Variants in UNC5C observed in about 807,000 individuals in gnomAD.
UNC5C encodes the protein netrin receptor UNC5C.
A neutral mutation model predicts 99.8 loss-of-function variants in UNC5C; 47 were observed. That is an observed-to-expected ratio of 0.47 (90% CI 0.37 to 0.60). UNC5C has a LOEUF of 0.60. UNC5C is among the 20% of genes least tolerant of loss of function. The pLI is 0.00. For missense variants in UNC5C, 1,062 were observed against 1,165.9 expected, an observed-to-expected ratio of 0.91 and a Z score of 1.30; for synonymous variants, 487 against 452.2, an observed-to-expected ratio of 1.08 and a Z score of -0.98.
At position 95,197,785 on chromosome 4, in the gene UNC5C, A is replaced by T. The variant is rs148307460; in HGVS notation, c.2136+4946T>A. Among the ~76,000 whole-genome samples the T allele has an allele frequency of 6.7e-3, 1,026 of 152,260 alleles. 9 individuals carry two copies. The highest frequency in any genetic ancestry group is 0.024 in the African/African-American group (978 of 41,550). ...CAATCAGAAATGTATGATTTTTCAT[A>T]GCAACTCATCAACCTGGAAGTAGAA... is the stretch of plus-strand genomic sequence containing the variant. On this transcript the variant is annotated intron_variant, in intron 12 of 15. Transcript: ENST00000453304.
chr4:95,476,198 C>T (rs1041134911), intron 1 of UNC5C, among the ~76,000 whole-genome samples: 11 of 152,190 alleles, frequency 7.2e-5, no homozygotes, highest in South Asian at 2.1e-4. Flanking sequence ...CCTCTGGGCT[C>T]ATTGCAGATT....
chr4:95,376,325 T>A (rs1355988569), intron 1 of UNC5C, among the ~76,000 whole-genome samples: 2 of 152,014 alleles, frequency 1.3e-5, no homozygotes, highest in Non-Finnish European at 2.9e-5. Context: ...TATACAGTAA[T>A]CCAGTTTCTA....
At chr4:95,294,922 G>C (rs1337274084) in intron 3 of UNC5C, among the ~76,000 whole-genome samples, 1 of 152,046 alleles carries the variant, frequency 6.6e-6, no homozygotes, top group East Asian at 1.9e-4. Flanking sequence ...TGAAACTAAG[G>C]CTCCCAGAGG....
intron 14 of UNC5C, among the ~76,000 whole-genome samples, chr4:95,177,201 T>C (rs903243653): frequency 2.0e-5 from 3 of 152,216 alleles, no homozygotes; most frequent in African/African-American, 7.2e-5. Flanking sequence ...ATCACCCATC[T>C]TATGCGTCGC....
At position 95,176,387 on chromosome 4, in the gene UNC5C, G is replaced by T. The variant is rs1484689395; in HGVS notation, c.2452-6055C>A. ...ATCTTTGTGGTTTTATCTACTTTTGGTCTTTGATGATGGTGATGTACAGAT... is the reference window on the plus strand; with the variant it reads ...ATCTTTGTGGTTTTATCTACTTTTGTTCTTTGATGATGGTGATGTACAGAT... On this transcript the variant is annotated intron_variant, in intron 14 of 15. Transcript: ENST00000453304. Among the ~76,000 whole-genome samples the T allele has an allele frequency of 7.3e-5, 11 of 151,650 alleles. No individual in the cohort carries two copies. In the East Asian group the frequency reaches 7.7e-4, roughly 11 times the overall value.
At chr4:95,530,789 A>T (rs890932426) in intron 1 of UNC5C, among the ~76,000 whole-genome samples, 7 of 152,188 alleles carry the variant, frequency 4.6e-5, no homozygotes, top group African/African-American at 1.7e-4. Flanking sequence ...TCAGAAAAAA[A>T]AGTGAAAATT....
At chr4:95,330,791 C>T (rs1313728381) in intron 2 of UNC5C, among the ~76,000 whole-genome samples, 1 of 151,980 alleles carries the variant, frequency 6.6e-6, no homozygotes, top group Non-Finnish European at 1.5e-5. Context: ...TATCTGTGGG[C>T]ATCTTTGCCT....
At chr4:95,456,833 G>A (rs1373487547) in intron 1 of UNC5C, among the ~76,000 whole-genome samples, 1 of 152,112 alleles carries the variant, frequency 6.6e-6, no homozygotes, top group African/African-American at 2.4e-5. Flanking sequence ...ATGCAAATAT[G>A]AGGTTGAGAT....
At position 95,165,113 on chromosome 4, in the gene UNC5C, CAGG is replaced by C. The variant is rs1026512000; in HGVS notation, c.*4118_*4120del. The C allele has an allele frequency of 6.6e-6, 1 of 152,128 alleles. No individual in the cohort carries two copies. The highest frequency in any genetic ancestry group is 6.5e-5 in the Admixed American group (1 of 15,276). The allele number at this position is 152,128 out of a possible 1,614,324, so 9.4% of individuals were successfully genotyped here. On this transcript the variant is annotated 3_prime_UTR_variant, in exon 16 of 16. Coordinates refer to ENST00000453304, the MANE Select transcript of UNC5C (RefSeq NM_003728.4). ...AGACAAGAGCCTTGTTGCTCTTTGC[CAGG>C]AGAAGTGAAAAGTCTTGATTCCACC...
intron 4 of UNC5C, among the ~76,000 whole-genome samples, chr4:95,258,335 G>A (rs746731862): frequency 2.8e-4 from 43 of 152,116 alleles, no homozygotes; most frequent in Non-Finnish European, 3.5e-4. Flanking sequence ...ATTTCAACCT[G>A]AGGCTTCTCT....
intron 1 of UNC5C, among the ~76,000 whole-genome samples, chr4:95,369,498 G>A (rs747178345): frequency 7.9e-5 from 12 of 152,032 alleles, no homozygotes; most frequent in Non-Finnish European, 1.6e-4. Context: ...ATTGCAGTGA[G>A]CCGAGATTGC....
At chr4:95,520,424 T>C (rs1217934006) in intron 1 of UNC5C, among the ~76,000 whole-genome samples, 1 of 152,140 alleles carries the variant, frequency 6.6e-6, no homozygotes, top group African/African-American at 2.4e-5. Flanking sequence ...AAATGCATAA[T>C]GGTGAAAATA....
At chr4:95,364,923 G>T (rs1389485107) in intron 1 of UNC5C, among the ~76,000 whole-genome samples, 1 of 151,752 alleles carries the variant, frequency 6.6e-6, no homozygotes, top group Non-Finnish European at 1.5e-5. Context: ...ATCAAGAAAG[G>T]ACACCATAAG....
Position 95,245,036 on chromosome 4 carries a change from C to A in UNC5C, c.884G>T (p.Gly295Val). The A allele has an allele frequency of 6.2e-7, 1 of 1,614,018 alleles. No individual in the cohort carries two copies. The highest frequency in any genetic ancestry group is 8.5e-7 in the Non-Finnish European group (1 of 1,179,958). Residue 295 changes from glycine (G) to valine (V), a missense_variant, in exon 6 of 16, where the codon GGG becomes GTG. Physicochemically the swap from Gly to Val is moderately radical, Grantham distance 109. Coordinates refer to ENST00000453304, the MANE Select transcript of UNC5C (RefSeq NM_003728.4). ...RTCTNPAPLN[G>V]GAFCEGQSVQ... ...ACTCTGCCCTTCACAGAAGGCACCC[C>A]CATTGAGTGGTGCCGGGTTGGTACA...
intron 3 of UNC5C, among the ~76,000 whole-genome samples, chr4:95,298,013 C>T (rs190455670): frequency 1.3e-5 from 2 of 152,300 alleles, no homozygotes; most frequent in African/African-American, 4.8e-5. Context: ...AACTTATCCT[C>T]AAAACCAAAT....
chr4:95,360,519 T>C (rs1171035310), intron 1 of UNC5C, among the ~76,000 whole-genome samples: 1 of 152,168 alleles, frequency 6.6e-6, no homozygotes, highest in Non-Finnish European at 1.5e-5. Context: ...GGGAAAGGAT[T>C]CCAAGTTAAG....
chr4:95,367,620 A>G (rs1290404975), intron 1 of UNC5C, among the ~76,000 whole-genome samples: 1 of 151,972 alleles, frequency 6.6e-6, no homozygotes, highest in Non-Finnish European at 1.5e-5. Flanking sequence ...CTTATTGGTA[A>G]CTCCTAGACA....
At chr4:95,301,856 T>G (rs1209589185) in intron 2 of UNC5C, 107 bp from the exon 3 acceptor site, 75 of 1,363,840 alleles carry the variant, frequency 5.5e-5, no homozygotes, top group Non-Finnish European at 7.3e-5. Context: ...ATGCCATAGA[T>G]CAACAACCCA....
At chr4:95,534,416 C>T (rs976204829) in intron 1 of UNC5C, among the ~76,000 whole-genome samples, 13 of 152,106 alleles carry the variant, frequency 8.5e-5, no homozygotes, top group African/African-American at 3.1e-4. Context: ...TTTAATTTTA[C>T]AATGACACAT....
Sources: gnomAD v4.1 joint callset for allele counts (sites outside exome capture counted in the v4.1 genomes callset) on GRCh38, gnomAD v4.1.1 for gene constraint, MANE v1.5 for transcripts, NCBI Gene and HGNC (gene_info 2026-07-23, HGNC 2026-07-21) for gene names.